Variants in ANO2 observed in about 807,000 individuals in gnomAD.
The protein encoded by ANO2 is anoctamin-2.
ANO2 carries 101 observed loss-of-function variants against 124.2 expected under a neutral mutation model. The ratio of observed to expected loss-of-function variants is 0.81; its 90% confidence interval spans 0.69 to 0.96. ANO2 has a LOEUF of 0.96. ANO2 is among the 40% of genes least tolerant of loss of function. The probability of loss-of-function intolerance (pLI) is 0.00; values close to 1 mark genes in which losing one functional copy is unlikely to be tolerated. For missense variants in ANO2, 1,293 were observed against 1,274.5 expected (o/e 1.01, Z -0.22); for synonymous variants, 486 against 482.5 (o/e 1.01, Z -0.09).
At chr12:5,838,530 T>C (rs1954401531) in intron 4 of ANO2, among the ~76,000 whole-genome samples, 1 of 152,142 alleles carries the variant, frequency 6.6e-6, no homozygotes, top group South Asian at 2.1e-4. Context: ...ACACTGGTCT[T>C]GAGGCGAGGG....
chr12:5,610,983 T>TTTTTTTTTTCTTTTTTTTTTTTTTTTTG (rs1555100751), intron 19 of ANO2, among the ~76,000 whole-genome samples: 3 of 121,658 alleles, frequency 2.5e-5, no homozygotes, highest in Non-Finnish European at 5.3e-5. Flanking sequence ...TTTTTTTTTT[T>TTTTTTTTTTCTTTTTTTTTTTTTTTTTG]TTTTTTGAGA....
intron 1 of ANO2, among the ~76,000 whole-genome samples, chr12:5,929,866 G>A (rs369278267): frequency 2.3e-3 from 227 of 100,462 alleles, no homozygotes; most frequent in African/African-American, 9.0e-3. Context: ...TCACTCGTCT[G>A]CCTTCTTTCC....
chr12:5,658,976 C>A lies in ANO2; in HGVS notation c.1546-11175G>T, dbSNP rs1023329372. Among the ~76,000 whole-genome samples the A allele has an allele frequency of 6.6e-6, 1 of 152,098 alleles. No homozygotes were observed. ...CTGTGGCCCCAACTGATAAGGAAAC[C>A]CAGTTAATTATGGGCAATGTTTTCT... On this transcript the variant is annotated intron_variant, in intron 14 of 24. Coordinates refer to ENST00000682330, the MANE Select transcript of ANO2 (RefSeq NM_001364791.2). This position sits in a 1 kb window ranked among gnomAD's most constrained non-coding sequence, Gnocchi z 4.3.
chr12:5,931,156 C>A (rs552882401), intron 1 of ANO2, among the ~76,000 whole-genome samples: 19 of 152,268 alleles, frequency 1.2e-4, no homozygotes, highest in African/African-American at 4.6e-4. Context: ...GGATGAAGAC[C>A]AAATTGTCAT....
At chr12:5,757,771 G>A (rs1260996564) in intron 10 of ANO2, among the ~76,000 whole-genome samples, 1 of 152,186 alleles carries the variant, frequency 6.6e-6, no homozygotes, top group East Asian at 1.9e-4. Context: ...GTCCGTCCAG[G>A]GAAAACTGGG....
intron 10 of ANO2, among the ~76,000 whole-genome samples, chr12:5,780,902 T>G (rs1034507093): frequency 6.6e-6 from 1 of 152,250 alleles, no homozygotes; most frequent in Non-Finnish European, 1.5e-5. Flanking sequence ...GATATTGGGA[T>G]GGCTTACAAG....
chr12:5,844,341 C>T (rs1425445666), intron 4 of ANO2, among the ~76,000 whole-genome samples: 1 of 152,130 alleles, frequency 6.6e-6, no homozygotes, highest in Non-Finnish European at 1.5e-5. Flanking sequence ...CTTGGGGACA[C>T]AGGGCAGTTT....
At chr12:5,640,078 G>A (rs1946255038) in intron 15 of ANO2, among the ~76,000 whole-genome samples, 1 of 152,144 alleles carries the variant, frequency 6.6e-6, no homozygotes, top group East Asian at 1.9e-4. Flanking sequence ...CACAGGATTG[G>A]CGGAGAGGAA....
intron 23 of ANO2, among the ~76,000 whole-genome samples, chr12:5,572,686 C>T (rs1212945963): frequency 2.0e-5 from 3 of 152,258 alleles, no homozygotes; most frequent in African/African-American, 7.2e-5. Context: ...AATCTGTAAT[C>T]CTCACTGGTA....
chr12:5,658,029 G>C lies in ANO2; in HGVS notation c.1546-10228C>G, dbSNP rs773946761. On this transcript the variant is annotated intron_variant, in intron 14 of 24. Coordinates refer to ENST00000682330, the MANE Select transcript of ANO2 (RefSeq NM_001364791.2). This position sits in a 1 kb window ranked among gnomAD's most constrained non-coding sequence, Gnocchi z 4.3. ...GAAATGGGACCATAAAGTTACATTT[G>C]AGAAAAAATATTATTTGCTCATTTG... Among the ~76,000 whole-genome samples the C allele has an allele frequency of 6.6e-6, 1 of 152,124 alleles. No individual in the cohort carries two copies. Among genetic ancestry groups the C allele is most frequent in the African/African-American group, 2.4e-5 (1 of 41,424 alleles).
intron 16 of ANO2, among the ~76,000 whole-genome samples, chr12:5,632,011 C>T (rs1248896728): frequency 1.3e-5 from 2 of 152,016 alleles, no homozygotes; most frequent in Admixed American, 6.6e-5. Flanking sequence ...TGAAAACCAT[C>T]CAGACAGAGG....
chr12:5,572,190 A>G (rs1367937051), intron 23 of ANO2, among the ~76,000 whole-genome samples: 1 of 151,980 alleles, frequency 6.6e-6, no homozygotes, highest in Admixed American at 6.6e-5. Context: ...TCTCCTTAAT[A>G]TGGAGTTTGT....
chr12:5,833,968 C>T (rs374485883), intron 4 of ANO2, among the ~76,000 whole-genome samples: 287 of 152,204 alleles, frequency 1.9e-3, no homozygotes, highest in African/African-American at 6.7e-3. Context: ...AAGAAGTCTA[C>T]GGAGGCGTCC....
chr12:5,813,561 T>A (rs912306958), intron 7 of ANO2, among the ~76,000 whole-genome samples: 1 of 152,186 alleles, frequency 6.6e-6, no homozygotes, highest in African/African-American at 2.4e-5. Context: ...CATAATCACA[T>A]GCAAAGAATT....
chr12:5,936,211 G>C (rs777573582), intron 1 of ANO2, among the ~76,000 whole-genome samples: 3 of 152,122 alleles, frequency 2.0e-5, no homozygotes, highest in Non-Finnish European at 4.4e-5. Context: ...TCTTGATGGA[G>C]TCAAGAGAAG....
chr12:5,571,174 C>T (rs1237994188), intron 23 of ANO2, among the ~76,000 whole-genome samples: 1 of 152,236 alleles, frequency 6.6e-6, no homozygotes, highest in African/African-American at 2.4e-5. Flanking sequence ...CCCAGGTAGG[C>T]TCTTCGAGCT....
chr12:5,847,299 C>T (rs1395487938), intron 4 of ANO2, among the ~76,000 whole-genome samples: 1 of 152,188 alleles, frequency 6.6e-6, no homozygotes, highest in African/African-American at 2.4e-5. Flanking sequence ...GCTGCTGGAG[C>T]TTCTTCATTG....
chr12:5,776,918 C>T (rs1952248483), intron 10 of ANO2, among the ~76,000 whole-genome samples: 1 of 152,124 alleles, frequency 6.6e-6, no homozygotes, highest in African/African-American at 2.4e-5. Context: ...CTCCAAAGTT[C>T]GAGGAGAGGA....
At chr12:5,897,778 A>C (rs1939897968) in intron 3 of ANO2, among the ~76,000 whole-genome samples, 1 of 152,242 alleles carries the variant, frequency 6.6e-6, no homozygotes, top group Admixed American at 6.5e-5. Context: ...TGTGGACTTA[A>C]ATGTGAAAAG....
Sources: allele counts gnomAD v4.1 joint callset (sites outside exome capture counted in the v4.1 genomes callset), GRCh38; gene constraint gnomAD v4.1.1; non-coding constraint Gnocchi (gnomAD v3.1); transcripts MANE v1.5; gene names NCBI Gene and HGNC (gene_info 2026-07-23, HGNC 2026-07-21).